Variants in PTPRM observed in about 807,000 individuals in gnomAD.
The protein encoded by PTPRM is protein tyrosine phosphatase receptor type M.
A neutral mutation model predicts 186.7 loss-of-function variants in PTPRM; 47 were observed. The ratio of observed to expected loss-of-function variants is 0.25; its 90% CI spans 0.20 to 0.32. The LOEUF (loss-of-function observed/expected upper bound fraction) is 0.32. Ranked by LOEUF, PTPRM falls within the 10% of genes least tolerant of loss-of-function variation. The probability of loss-of-function intolerance (pLI) is 1.00; values close to 1 mark genes in which losing one functional copy is unlikely to be tolerated. For missense variants in PTPRM, 1,494 were observed against 1,865.0 expected (o/e 0.80, Z 3.66); for synonymous variants, 668 against 674.9 (o/e 0.99, Z 0.16).
intron 7 of PTPRM, among the ~76,000 whole-genome samples, chr18:8,034,872 T>A (rs1311287261): frequency 6.6e-6 from 1 of 152,178 alleles, no homozygotes; most frequent in Non-Finnish European, 1.5e-5. Context: ...TGATACAACA[T>A]TTTCATAAGC....
intron 19 of PTPRM, among the ~76,000 whole-genome samples, chr18:8,255,063 T>C (rs2094561934): frequency 6.6e-6 from 1 of 152,250 alleles, no homozygotes; most frequent in Admixed American, 6.5e-5. Context: ...TCAGTGAAAT[T>C]GACTGCCTTT....
intron 30 of PTPRM, among the ~76,000 whole-genome samples, chr18:8,385,283 G>A (rs921874525): frequency 2.0e-5 from 3 of 152,184 alleles, no homozygotes; most frequent in Non-Finnish European, 4.4e-5. Flanking sequence ...GGAGCCTGAC[G>A]AAAGTTTGGT....
At chr18:8,164,732 G>A (rs1051370016) in intron 14 of PTPRM, among the ~76,000 whole-genome samples, 5 of 152,196 alleles carry the variant, frequency 3.3e-5, no homozygotes, top group African/African-American at 1.2e-4. Context: ...AATGGCTAGA[G>A]AGTTTCAGTT....
intron 1 of PTPRM, among the ~76,000 whole-genome samples, chr18:7,659,524 A>G (rs997413977): frequency 6.6e-6 from 1 of 152,164 alleles, no homozygotes; most frequent in African/African-American, 2.4e-5. Flanking sequence ...GGAAGCTCCA[A>G]GTGAGGACAG....
chr18:7,605,248 G>A (rs960888725), intron 1 of PTPRM, among the ~76,000 whole-genome samples: 2 of 152,180 alleles, frequency 1.3e-5, no homozygotes, highest in Admixed American at 6.5e-5. Context: ...CACATTCAAA[G>A]CCTTCCTGGG....
intron 2 of PTPRM, among the ~76,000 whole-genome samples, chr18:7,843,878 G>A (rs560438306): frequency 6.6e-6 from 1 of 152,134 alleles, no homozygotes; most frequent in Admixed American, 6.5e-5. Flanking sequence ...TCATCTGAAG[G>A]CTTGTTCACT....
chr18:7,851,196 C>G (rs2046841642), intron 2 of PTPRM, among the ~76,000 whole-genome samples: 1 of 151,976 alleles, frequency 6.6e-6, no homozygotes, highest in African/African-American at 2.4e-5. Flanking sequence ...ACGGAAAACA[C>G]CAGAAAGAAT....
chr18:7,945,297 CA>C (rs149613547), intron 5 of PTPRM, among the ~76,000 whole-genome samples: 66,135 of 135,712 alleles, frequency 0.49, 15,187 homozygotes, highest in Admixed American at 0.55. Flanking sequence ...ACTAAAAATA[CA>C]AAAAAAAAAA....
chr18:8,348,085 C>A (rs771094541), intron 23 of PTPRM, among the ~76,000 whole-genome samples: 54 of 152,254 alleles, frequency 3.5e-4, no homozygotes, highest in Non-Finnish European at 7.1e-4. Context: ...AAAACAACAA[C>A]AACAAACCAC....
chr18:8,007,590 A>G (rs74654340), intron 7 of PTPRM, among the ~76,000 whole-genome samples: 341 of 152,290 alleles, frequency 2.2e-3, no homozygotes, highest in African/African-American at 7.9e-3. Flanking sequence ...TAACAGATCT[A>G]AAAGGAGATG....
rs182603262 is a variant in PTPRM, at chr18:8,016,107, G to C, written c.1133-53579G>C. Among the ~76,000 whole-genome samples the C allele has an allele frequency of 9.4e-3, 1,436 of 152,262 alleles. 26 individuals carry two copies. The highest frequency in any genetic ancestry group is 0.032 in the African/African-American group (1,335 of 41,550). The stretch of plus-strand genomic sequence containing the variant: ...AAAAGATATAATTGGTGGAAAGGGT[G>C]GATGGATACACAGGAAGAAGCAAGA... On this transcript the variant is annotated intron_variant, in intron 7 of 32. Transcript: ENST00000580170.
At chr18:8,109,959 A>C (rs1014929148) in intron 11 of PTPRM, among the ~76,000 whole-genome samples, 2 of 152,202 alleles carry the variant, frequency 1.3e-5, no homozygotes, top group African/African-American at 4.8e-5. Context: ...TTCCTTGGTC[A>C]TTGCTTTCTC....
At position 7,680,153 on chromosome 18, in the gene PTPRM, A is replaced by G. The variant is rs116501556; in HGVS notation, c.74-93996A>G. Among the ~76,000 whole-genome samples, 765 of 152,368 alleles carry G rather than the reference A, an allele frequency of 5.0e-3. 5 individuals are homozygous for G. Among genetic ancestry groups the G allele is most frequent in the African/African-American group, 0.016 (683 of 41,594 alleles). The stretch of plus-strand genomic sequence containing the variant: ...AGTGCTGAGACTACAGGCATGAGCC[A>G]CTACGCCTGGCTGACAATAGGCTTT... On this transcript the variant is annotated intron_variant, in intron 1 of 32. Coordinates refer to ENST00000580170, the MANE Select transcript of PTPRM (RefSeq NM_001105244.2).
chr18:8,406,223 A>G lies in PTPRM; in HGVS notation c.*61A>G. The stretch of plus-strand genomic sequence containing the variant: ...CCACAAAGCCAAGACGTTCCATGGT[A>G]TTTGTGCAAAAGAGATGAAGACTTC... On this transcript the variant is annotated 3_prime_UTR_variant, in exon 33 of 33. Transcript: ENST00000580170. 1 of 1,495,298 alleles carries G rather than the reference A, an allele frequency of 6.7e-7. No individual in the cohort carries two copies. Among genetic ancestry groups the G allele is most frequent in the Non-Finnish European group, 9.2e-7 (1 of 1,082,676 alleles). The allele number at this position is 1,495,298 out of a possible 1,614,324, so 92.6% of individuals were successfully genotyped here. A position where few individuals can be genotyped will look rare whatever the true frequency, so the allele number is the denominator to read the frequency against.
chr18:7,830,274 C>T (rs1281692532), intron 2 of PTPRM, among the ~76,000 whole-genome samples: 1 of 152,106 alleles, frequency 6.6e-6, no homozygotes, highest in Non-Finnish European at 1.5e-5. Flanking sequence ...CAATCAGAGC[C>T]TCAGTTTCCC....
chr18:7,877,277 A>G (rs1220514882), intron 2 of PTPRM, among the ~76,000 whole-genome samples: 1 of 152,162 alleles, frequency 6.6e-6, no homozygotes, highest in Non-Finnish European at 1.5e-5. Context: ...TGCACCTAGA[A>G]TGATTATTTA....
chr18:7,859,832 G>A (rs1434668940), intron 2 of PTPRM, among the ~76,000 whole-genome samples: 1 of 152,122 alleles, frequency 6.6e-6, no homozygotes, highest in African/African-American at 2.4e-5. Flanking sequence ...ACCGTGGCCA[G>A]GTCAGTAACC....
intron 1 of PTPRM, among the ~76,000 whole-genome samples, chr18:7,767,069 A>T (rs2042047919): frequency 1.3e-5 from 2 of 152,214 alleles, no homozygotes; most frequent in South Asian, 4.1e-4. Context: ...TGTGTTCGCA[A>T]AATGGTAGCT....
chr18:7,750,481 A>G (rs2041159610), intron 1 of PTPRM, among the ~76,000 whole-genome samples: 1 of 152,206 alleles, frequency 6.6e-6, no homozygotes, highest in Admixed American at 6.5e-5. Flanking sequence ...TGCGGATAGA[A>G]TAACATTCCT....
Sources: allele counts gnomAD v4.1 joint callset (sites outside exome capture counted in the v4.1 genomes callset), GRCh38; gene constraint gnomAD v4.1.1; transcripts MANE v1.5; gene names NCBI Gene and HGNC (gene_info 2026-07-23, HGNC 2026-07-21).